The following PTPRD variants were observed in gnomAD, a reference collection of about 807,000 sequenced individuals.
PTPRD encodes protein tyrosine phosphatase receptor type D.
PTPRD carries 34 observed loss-of-function variants against 214.5 expected under a neutral mutation model. That is an observed-to-expected ratio of 0.16 (90% CI 0.12 to 0.21). PTPRD has a LOEUF of 0.21. Among genes scored for constraint, PTPRD ranks in the 10% least tolerant of loss-of-function variants. The pLI is 1.00. For missense variants in PTPRD, 2,545 were observed against 2,398.7 expected (o/e 1.06, Z -1.27); for synonymous variants, 1,128 against 845.7 (o/e 1.33, Z -5.79).
chr9:9,725,729 G>C (rs1038940951), intron 7 of PTPRD, among the ~76,000 whole-genome samples: 3 of 152,148 alleles, frequency 2.0e-5, no homozygotes, highest in African/African-American at 7.2e-5. Flanking sequence ...ATAAACATTT[G>C]AGAAGTTTTC....
intron 9 of PTPRD, among the ~76,000 whole-genome samples, chr9:9,378,300 C>CT (rs1230640399): frequency 6.6e-6 from 1 of 151,972 alleles, no homozygotes; most frequent in African/African-American, 2.4e-5. Flanking sequence ...TTCAGATGGC[C>CT]TTTTTTTCAC....
chr9:9,947,531 T>TAAAATATATATAATATATATA (rs1356468096), intron 4 of PTPRD, among the ~76,000 whole-genome samples: 3 of 21,222 alleles, frequency 1.4e-4, no homozygotes, highest in African/African-American at 7.9e-4. Context: ...ATTATATATA[T>TAAAATATATATAATATATATA]TTTATATATA....
chr9:9,757,842 T>C (rs2098602533), intron 6 of PTPRD, among the ~76,000 whole-genome samples: 1 of 152,136 alleles, frequency 6.6e-6, no homozygotes, highest in Non-Finnish European at 1.5e-5. Context: ...CTAAGAATTT[T>C]GACTCTGCTA....
At chr9:9,447,343 A>G (rs1247474175) in intron 8 of PTPRD, among the ~76,000 whole-genome samples, 1 of 152,178 alleles carries the variant, frequency 6.6e-6, no homozygotes, top group Non-Finnish European at 1.5e-5. Flanking sequence ...GCCATAAAAA[A>G]TGAGATCATG....
rs553513288 is a variant in PTPRD at position 9,474,363 on chromosome 9, A to G, written c.-236-76881T>C. 2.0e-5 allele frequency among the ~76,000 whole-genome samples: 3 copies of G among 152,180 alleles called. No homozygotes were observed. The East Asian group carries it at 5.8e-4, about 29-fold the overall frequency. Reference sequence around the variant, plus strand: ...GCCGTATTGATTATGATAGCTTTATAGTACATTTTGAAGTCGGGTCCAGCT... The same window carrying G: ...GCCGTATTGATTATGATAGCTTTATGGTACATTTTGAAGTCGGGTCCAGCT... On this transcript the variant is annotated intron_variant, in intron 8 of 45. Coordinates refer to ENST00000381196, the MANE Select transcript of PTPRD (RefSeq NM_002839.4).
intron 11 of PTPRD, among the ~76,000 whole-genome samples, chr9:8,932,846 C>T (rs754004683): frequency 6.6e-6 from 1 of 151,992 alleles, no homozygotes; most frequent in Admixed American, 6.6e-5. Context: ...CCACTTGGCT[C>T]CCTGGCTTCC....
chr9:8,882,691 C>T (rs1014662920), intron 11 of PTPRD, among the ~76,000 whole-genome samples: 2 of 151,866 alleles, frequency 1.3e-5, no homozygotes, highest in African/African-American at 4.8e-5. Context: ...TTGAGACCAG[C>T]CTGGCCGACA....
intron 2 of PTPRD, among the ~76,000 whole-genome samples, chr9:10,422,523 C>A (rs1587865008): frequency 6.6e-6 from 1 of 151,926 alleles, no homozygotes; most frequent in Non-Finnish European, 1.5e-5. Flanking sequence ...AAACAGGCAA[C>A]CTACAGAATG....
chr9:10,537,587 T>C (rs1353129134), intron 2 of PTPRD, among the ~76,000 whole-genome samples: 1 of 152,174 alleles, frequency 6.6e-6, no homozygotes, highest in Non-Finnish European at 1.5e-5. Context: ...TGTCAAATCA[T>C]TGTCTATTCC....
At chr9:8,620,438 C>A (rs913195703) in intron 14 of PTPRD, among the ~76,000 whole-genome samples, 1 of 152,030 alleles carries the variant, frequency 6.6e-6, no homozygotes, top group Non-Finnish European at 1.5e-5. Context: ...GACTTTAGAG[C>A]TAGTTTACAT....
intron 5 of PTPRD, among the ~76,000 whole-genome samples, chr9:9,890,127 T>C (rs977871545): frequency 1.3e-5 from 2 of 152,210 alleles, no homozygotes; most frequent in Admixed American, 1.3e-4. Flanking sequence ...ATTCCCTTTA[T>C]ATGACATTTC....
intron 11 of PTPRD, among the ~76,000 whole-genome samples, chr9:8,908,402 G>A (rs2098723084): frequency 6.6e-6 from 1 of 151,996 alleles, no homozygotes; most frequent in East Asian, 1.9e-4. Flanking sequence ...AAAGTATGTT[G>A]TTTTATTATA....
At chr9:10,064,722 G>C (rs1281921999) in intron 3 of PTPRD, among the ~76,000 whole-genome samples, 1 of 151,846 alleles carries the variant, frequency 6.6e-6, no homozygotes, top group African/African-American at 2.4e-5. Flanking sequence ...CAACCTGAGG[G>C]ACAGAATCAT....
chr9:10,121,605 T>C (rs2098775948), intron 3 of PTPRD, among the ~76,000 whole-genome samples: 1 of 152,222 alleles, frequency 6.6e-6, no homozygotes. Context: ...GTCTAACTTA[T>C]CTTTAATTCT....
Position 9,107,677 on chromosome 9 carries a change from G to A in PTPRD, c.-143+75627C>T, listed in dbSNP as rs141917236. Among the ~76,000 whole-genome samples, 537 of 152,218 alleles carry A rather than the reference G, an allele frequency of 3.5e-3. 5 individuals are homozygous for A. Among genetic ancestry groups the A allele is most frequent in the African/African-American group, 2.8e-3 (116 of 41,546 alleles). ...GACTTACTTGTCCTTGTCCCCTTTG[G>A]TTGGAAAGTTTTTCATCCACAAATT... On this transcript the variant is annotated intron_variant, in intron 10 of 45. Coordinates refer to ENST00000381196, the MANE Select transcript of PTPRD (RefSeq NM_002839.4).
chr9:9,584,510 T>G (rs2091544700), intron 7 of PTPRD, among the ~76,000 whole-genome samples: 2 of 151,922 alleles, frequency 1.3e-5, no homozygotes, highest in African/African-American at 4.8e-5. Flanking sequence ...CTCCCTCCCA[T>G]TTTGTACCTG....
chr9:10,247,715 G>C (rs1056315476), intron 3 of PTPRD, among the ~76,000 whole-genome samples: 9 of 152,006 alleles, frequency 5.9e-5, no homozygotes, highest in Non-Finnish European at 1.0e-4. Context: ...TTTTCATTTT[G>C]GCTGACTTCC....
At chr9:9,174,644 A>C (rs1385678026) in intron 10 of PTPRD, among the ~76,000 whole-genome samples, 4 of 152,168 alleles carry the variant, frequency 2.6e-5, no homozygotes, top group Admixed American at 2.0e-4. Flanking sequence ...CCAACAAAGG[A>C]TATTACATAA....
intron 7 of PTPRD, among the ~76,000 whole-genome samples, chr9:9,619,079 A>G (rs906595191): frequency 1.6e-4 from 25 of 152,194 alleles, no homozygotes; most frequent in African/African-American, 4.6e-4. Flanking sequence ...TGTAGAGATC[A>G]TTGACTAGAA....
Sources: gnomAD v4.1 joint callset for allele counts (sites outside exome capture counted in the v4.1 genomes callset) on GRCh38, gnomAD v4.1.1 for gene constraint, MANE v1.5 for transcripts, NCBI Gene and HGNC (gene_info 2026-07-23, HGNC 2026-07-21) for gene names.